SLC12A1: variants seen among roughly 807,000 people sequenced by gnomAD.
SLC12A1 encodes solute carrier family 12 member 1.
In SLC12A1, 89 loss-of-function variants were observed where a neutral mutation model predicts 130.4. That is an observed-to-expected ratio of 0.68 (90% confidence interval 0.58 to 0.81). SLC12A1 has a LOEUF of 0.81. Among genes scored for constraint, SLC12A1 ranks in the 40% least tolerant of loss-of-function variants. The pLI is 0.00. For missense variants in SLC12A1, 1,310 were observed against 1,336.4 expected (o/e 0.98, Z 0.31); for synonymous variants, 499 against 460.0 (o/e 1.08, Z -1.09).
Position 48,241,520 on chromosome 15 carries a change from C to A in SLC12A1, c.1221C>A (p.Pro407=). The A allele has an allele frequency of 6.2e-7, 1 of 1,612,342 alleles. No homozygotes were observed. Among genetic ancestry groups the A allele is most frequent in the Non-Finnish European group, 8.5e-7 (1 of 1,178,546 alleles). ...TCCACATTATTTTTTTAAAGGATCC[C>A]CAAGATGCCATCCCCAGAGGAACCA... ...GANISGDLED[P]QDAIPRGTML... The change falls in exon 10 of 27, where the codon CCC becomes CCA. Residue 407 remains proline, a synonymous_variant. Transcript: ENST00000380993.
rs761201157 is a variant in SLC12A1, at chr15:48,227,110, G to T, written c.724+539G>T. The T allele has an allele frequency of 3.2e-6, 5 of 1,552,076 alleles. No homozygotes were observed. The South Asian group carries it at 5.9e-5, about 18-fold the overall frequency. On this transcript the variant is annotated intron_variant, in intron 5 of 26. Transcript: ENST00000380993. ...GAGTCATCATCATTGGCCTAAGTGT[G>T]GTAGTAACGACACTCACAGGTATTT...
Position 48,246,956 on chromosome 15 carries a change from C to T in SLC12A1, c.1500C>T (p.Ile500=). The T allele has an allele frequency of 6.2e-7, 1 of 1,614,012 alleles. No individual in the cohort carries two copies. Among genetic ancestry groups the T allele is most frequent in the South Asian group, 1.1e-5 (1 of 91,076 alleles). Residue 500 remains isoleucine (I), a synonymous_variant, in exon 12 of 27, where the codon ATC becomes ATT. Coordinates refer to ENST00000380993, the MANE Select transcript of SLC12A1 (RefSeq NM_000338.3). ...SGFGPLITAG[I]FSATLSSALA... ...TCGGCCCCCTCATCACTGCGGGAAT[C>T]TTTTCTGCAACACTCTCCTCCGCCC... is the stretch of plus-strand genomic sequence containing the variant.
At chr15:48,301,502 T>C in intron 26 of SLC12A1, 120 bp downstream of exon 26, 3 of 429,446 alleles carry the variant, frequency 7.0e-6, no homozygotes, top group African/African-American at 6.0e-5. Flanking sequence ...GTGTTTTTTT[T>C]GGGGGGGGGA....
chr15:48,255,037 G>T (rs1420727796), intron 15 of SLC12A1, among the ~76,000 whole-genome samples: 1 of 152,180 alleles, frequency 6.6e-6, no homozygotes, highest in East Asian at 1.9e-4. Flanking sequence ...GTTTGCTAAA[G>T]AATCTTGACC....
chr15:48,227,519 C>A, intron 5 of SLC12A1: 1 of 293,516 alleles, frequency 3.4e-6, no homozygotes, highest in Admixed American at 4.6e-5. Context: ...TTCTCCAATG[C>A]CCCAGATGGC....
intron 13 of SLC12A1, among the ~76,000 whole-genome samples, chr15:48,248,739 T>A (rs8030205): frequency 6.6e-6 from 1 of 152,104 alleles, no homozygotes; most frequent in African/African-American, 2.4e-5. Flanking sequence ...AGATATTTAC[T>A]CCTGAGGCAA....
intron 17 of SLC12A1, among the ~76,000 whole-genome samples, chr15:48,261,020 A>C (rs1194964419): frequency 6.6e-6 from 1 of 152,164 alleles, no homozygotes. Flanking sequence ...AGTAATGACC[A>C]ACTGTGACTC....
chr15:48,259,417 A>T lies in SLC12A1; in HGVS notation c.2154+106A>T, dbSNP rs34466479. 1.5e-5 allele frequency: 12 copies of T among 810,298 alleles called. No individual in the cohort carries two copies. The East Asian group carries it at 2.9e-4, about 20-fold the overall frequency. 50.2% of individuals were successfully genotyped at this position (810,298 alleles called of 1,614,324 possible). A position where few individuals can be genotyped will look rare whatever the true frequency, so the allele number is the denominator to read the frequency against. On this transcript the variant is annotated intron_variant, in intron 17 of 26. Transcript: ENST00000380993. ...TGCAGTGACAGGAAAATAGCAAAAA[A>T]ACAGTTTATAGGAGAGCCCTCTACC... is the stretch of plus-strand genomic sequence containing the variant.
intron 4 of SLC12A1, chr15:48,226,006 C>G (rs1020701548): frequency 1.4e-5 from 6 of 428,060 alleles, no homozygotes; most frequent in African/African-American, 1.3e-4. Flanking sequence ...CAGGCTCTAA[C>G]AGTTCACCAC....
At chr15:48,285,070 CTGAGT>C in intron 20 of SLC12A1, 31 bp from the exon 21 acceptor site, 2 of 1,481,076 alleles carry the variant, frequency 1.4e-6, no homozygotes, top group Non-Finnish European at 1.8e-6. Flanking sequence ...CTTTGTAGTT[CTGAGT>C]TAAGTAGGTG....
At chr15:48,271,052 C>A (rs1192401337) in intron 19 of SLC12A1, among the ~76,000 whole-genome samples, 1 of 151,024 alleles carries the variant, frequency 6.6e-6, no homozygotes, top group African/African-American at 2.4e-5. Context: ...GGTGAAACCC[C>A]GTCTCTACTA....
In SLC12A1 at chr15:48,302,865, G is replaced by A; in HGVS notation, c.3280G>A (p.Val1094Ile). The stretch of plus-strand genomic sequence containing the variant: ...ACTAGTTAGAGGAAATCACAAAAAT[G>A]TCTTGACATTTTACTCTTAAAACAT... ...VLLVRGNHKN[V>I]LTFYS The change falls in exon 27 of 27, where the codon GTC becomes ATC. Residue 1094 changes from valine (V) to isoleucine (I), a missense_variant. Transcript: ENST00000380993. 1.2e-6 allele frequency: 2 copies of A among 1,611,494 alleles called. No homozygotes were observed. The highest frequency in any genetic ancestry group is 1.7e-6 in the Non-Finnish European group (2 of 1,178,080).
chr15:48,259,375 T>C (rs755368920), intron 17 of SLC12A1, 64 bp downstream of exon 17: 6 of 1,142,832 alleles, frequency 5.3e-6, no homozygotes, highest in Non-Finnish European at 8.0e-6. Flanking sequence ...TTATTTTGGG[T>C]GAGGAGAAAA....
chr15:48,289,754 G>C (rs1597457703), intron 23 of SLC12A1, among the ~76,000 whole-genome samples: 2 of 152,124 alleles, frequency 1.3e-5, no homozygotes, highest in Admixed American at 1.3e-4. Flanking sequence ...GGTAAAAAAT[G>C]GTCCACTTGT....
chr15:48,264,363 G>A (rs1330095406), intron 17 of SLC12A1, among the ~76,000 whole-genome samples: 1 of 151,966 alleles, frequency 6.6e-6, no homozygotes, highest in South Asian at 2.1e-4. Context: ...AAATCTCACA[G>A]AAGACACCTA....
chr15:48,243,604 A>T (rs1429436302), intron 10 of SLC12A1, among the ~76,000 whole-genome samples: 1 of 152,184 alleles, frequency 6.6e-6, no homozygotes, highest in Admixed American at 6.5e-5. Flanking sequence ...GCAGTGAGCC[A>T]AGATCGTGCA....
At chr15:48,251,061 C>T (rs2041642780) in intron 14 of SLC12A1, among the ~76,000 whole-genome samples, 2 of 152,142 alleles carry the variant, frequency 1.3e-5, no homozygotes, top group Middle Eastern at 3.4e-3. Context: ...GTTTAAAAAG[C>T]CATTTCTCCA....
intron 5 of SLC12A1, 77 bp from the exon 6 acceptor site, chr15:48,229,112 T>A (rs536980472): frequency 1.4e-6 from 2 of 1,429,786 alleles, no homozygotes; most frequent in African/African-American, 2.9e-5. Context: ...ACTGTAAATG[T>A]TCTCAGATAG....
Position 48,234,876 on chromosome 15 carries a change from G to C in SLC12A1, c.1088-1G>C, listed in dbSNP as rs1269491438. On this transcript the variant is annotated splice_acceptor_variant, in intron 8 of 26. Coordinates refer to ENST00000380993, the MANE Select transcript of SLC12A1 (RefSeq NM_000338.3). LOFTEE classifies it high-confidence loss of function. ...TAATTTTCTTATAATTTATGTTGCAGCATCAATATTTGCAGAAAACTTTGG... is the reference window on the plus strand; with the variant it reads ...TAATTTTCTTATAATTTATGTTGCACCATCAATATTTGCAGAAAACTTTGG... 6.2e-7 allele frequency: 1 copy of C among 1,613,504 alleles called. No individual in the cohort carries two copies. The highest frequency in any genetic ancestry group is 1.3e-5 in the African/African-American group (1 of 74,914).
Sources: gnomAD v4.1 joint callset for allele counts (sites outside exome capture counted in the v4.1 genomes callset) on GRCh38, gnomAD v4.1.1 for gene constraint, MANE v1.5 for transcripts, NCBI Gene and HGNC (gene_info 2026-07-23, HGNC 2026-07-21) for gene names.